The following PRKCE variants were observed in gnomAD, a reference collection of about 807,000 sequenced individuals.
The protein encoded by PRKCE is protein kinase C epsilon, also known as protein kinase C epsilon type.
In PRKCE, 16 loss-of-function variants were observed where a neutral mutation model predicts 85.4. That is an observed-to-expected ratio of 0.19 (90% confidence interval 0.13 to 0.28). The LOEUF (loss-of-function observed/expected upper bound fraction) is 0.28. Among genes scored for constraint, PRKCE ranks in the 10% least tolerant of loss-of-function variants. The probability of loss-of-function intolerance (pLI) is 1.00; values close to 1 mark genes in which losing one functional copy is unlikely to be tolerated. For missense variants in PRKCE, 573 were observed against 975.2 expected (o/e 0.59, Z 5.49); for synonymous variants, 388 against 371.5 (o/e 1.04, Z -0.51).
intron 1 of PRKCE, among the ~76,000 whole-genome samples, chr2:45,737,603 A>C (rs1268563004): frequency 6.6e-6 from 1 of 151,660 alleles, no homozygotes; most frequent in Admixed American, 6.6e-5. Flanking sequence ...TGATGTGTAG[A>C]TGTTCCCCAA....
At chr2:45,937,781 C>T (rs1360979719) in intron 2 of PRKCE, among the ~76,000 whole-genome samples, 2 of 152,108 alleles carry the variant, frequency 1.3e-5, no homozygotes, top group Non-Finnish European at 2.9e-5. Context: ...CTGCCATTAT[C>T]GAACGCCTAC....
chr2:46,144,642 A>C (rs1340752893), intron 11 of PRKCE, among the ~76,000 whole-genome samples: 3 of 152,206 alleles, frequency 2.0e-5, no homozygotes, highest in African/African-American at 7.2e-5. Context: ...AGTGTTCTAT[A>C]AAGTAGTGCC....
At chr2:45,918,272 G>A (rs1006532581) in intron 2 of PRKCE, among the ~76,000 whole-genome samples, 3 of 152,200 alleles carry the variant, frequency 2.0e-5, no homozygotes, top group Non-Finnish European at 4.4e-5. Flanking sequence ...GCTGGCTGTG[G>A]AAGGGGCAGG....
intron 2 of PRKCE, among the ~76,000 whole-genome samples, chr2:45,931,185 T>C (rs141137043): frequency 6.6e-6 from 1 of 152,384 alleles, no homozygotes; most frequent in East Asian, 1.9e-4. Flanking sequence ...GTCCTTGCAC[T>C]CTGATAACAC....
chr2:45,755,372 G>C (rs1197302594), intron 1 of PRKCE, among the ~76,000 whole-genome samples: 1 of 152,166 alleles, frequency 6.6e-6, no homozygotes, highest in East Asian at 1.9e-4. Context: ...CTTAGGTTAA[G>C]CATATGATAC....
chr2:45,924,596 T>C lies in PRKCE; in HGVS notation c.413-51833T>C, dbSNP rs141581913. ...AACTCACCAGGAAAAATGACAGGAC[T>C]CACTTCCCTACCCCATCAGGTTTTG... On this transcript the variant is annotated intron_variant, in intron 2 of 14. Coordinates refer to ENST00000306156, the MANE Select transcript of PRKCE (RefSeq NM_005400.3). 4.2e-3 allele frequency among the ~76,000 whole-genome samples: 635 copies of C among 152,262 alleles called. 5 individuals carry two copies. The highest frequency in any genetic ancestry group is 0.015 in the African/African-American group (613 of 41,544).
intron 1 of PRKCE, among the ~76,000 whole-genome samples, chr2:45,700,171 G>C (rs1423093365): frequency 6.7e-6 from 1 of 149,848 alleles, no homozygotes; most frequent in African/African-American, 2.4e-5. Context: ...CTGAGGCCCT[G>C]CCGGGAGCCA....
intron 2 of PRKCE, among the ~76,000 whole-genome samples, chr2:45,948,428 G>A (rs369055875): frequency 6.6e-6 from 1 of 152,106 alleles, no homozygotes; most frequent in Non-Finnish European, 1.5e-5. Flanking sequence ...TCGCTTGAGG[G>A]CAGGAGTTCA....
At chr2:46,045,026 CAGGTGAGTTAAAGAGCATTTTTTA>C (rs754659035) in intron 10 of PRKCE, among the ~76,000 whole-genome samples, 11 of 152,174 alleles carry the variant, frequency 7.2e-5, no homozygotes, top group Non-Finnish European at 1.3e-4. Context: ...CTATATTCTA[CAGGTGAGTTAAAGAGCATTTTTTA>C]AGCTCCGGGT....
chr2:45,689,145 A>C (rs1327642925), intron 1 of PRKCE, among the ~76,000 whole-genome samples: 2 of 152,240 alleles, frequency 1.3e-5, no homozygotes, highest in African/African-American at 4.8e-5. Context: ...CTTTACAAGA[A>C]GGGAGGGACT....
rs1470788623 is a variant in PRKCE, at chr2:45,697,377, T to G, written c.348+44929T>G. Among the ~76,000 whole-genome samples the G allele has an allele frequency of 6.8e-6, 1 of 147,524 alleles. No individual in the cohort carries two copies. The highest frequency in any genetic ancestry group is 1.5e-5 in the Non-Finnish European group (1 of 65,366). ...CCCTCTCTGCCTCTTAATGGCGCTC[T>G]GACCTTCTATTGTTTTTGGCCAAAA... On this transcript the variant is annotated intron_variant, in intron 1 of 14. Coordinates refer to ENST00000306156, the MANE Select transcript of PRKCE (RefSeq NM_005400.3). The surrounding 1 kb of genome is among the most constrained non-coding windows in gnomAD (Gnocchi z 4.2).
intron 10 of PRKCE, among the ~76,000 whole-genome samples, chr2:46,046,550 C>T (rs1377184801): frequency 6.6e-6 from 1 of 152,302 alleles, no homozygotes; most frequent in African/African-American, 2.4e-5. Context: ...TCGATGTACA[C>T]GTCACATTGA....
intron 10 of PRKCE, among the ~76,000 whole-genome samples, chr2:46,052,532 G>A (rs557683817): frequency 1.3e-5 from 2 of 152,334 alleles, no homozygotes; most frequent in South Asian, 2.1e-4. Context: ...TTCCATGTTT[G>A]TGGAGAAGAC....
At chr2:45,673,320 G>C (rs1396378291) in intron 1 of PRKCE, among the ~76,000 whole-genome samples, 1 of 152,200 alleles carries the variant, frequency 6.6e-6, no homozygotes, top group East Asian at 1.9e-4. Context: ...ATAATCAAGT[G>C]AATTTGGAAA....
intron 2 of PRKCE, among the ~76,000 whole-genome samples, chr2:45,952,055 A>G (rs112020515): frequency 1.6e-4 from 24 of 151,944 alleles, no homozygotes; most frequent in African/African-American, 5.8e-4. Flanking sequence ...CTGGTCTTCA[A>G]CTCCTGGCGT....
chr2:45,831,090 C>T (rs6721872), intron 1 of PRKCE, among the ~76,000 whole-genome samples: 3,033 of 152,066 alleles, frequency 0.02, 107 homozygotes, highest in African/African-American at 0.068. Context: ...GTACACCCTC[C>T]GAGAAAAGAA....
rs35088567 is a variant in PRKCE at position 46,001,252 on chromosome 2, C to CATATATATATATAT, written c.824-145_824-132dup. On this transcript the variant is annotated intron_variant, in intron 6 of 14. Transcript: ENST00000306156. This position sits in a 1 kb window ranked among gnomAD's most constrained non-coding sequence, Gnocchi z 4.4. ...GATTTTGGTTTTGTATGATGGAAGA[C>CATATATATATATAT]ATATATATATATATATATATTTCTG... 37 of 366,628 alleles carry CATATATATATATAT rather than the reference C, an allele frequency of 1.0e-4. No individual in the cohort carries two copies. Among genetic ancestry groups the CATATATATATATAT allele is most frequent in the African/African-American group, 6.9e-4 (30 of 43,364 alleles). 22.7% of individuals were successfully genotyped at this position (366,628 alleles called of 1,614,324 possible). A position where few individuals can be genotyped will look rare whatever the true frequency, so the allele number is the denominator to read the frequency against.
chr2:45,871,162 A>G (rs1430136540), intron 2 of PRKCE, among the ~76,000 whole-genome samples: 1 of 152,204 alleles, frequency 6.6e-6, no homozygotes, highest in Non-Finnish European at 1.5e-5. Context: ...ACATCTGTTA[A>G]CCACAGAGAT....
chr2:45,659,711 C>G (rs1675547072), intron 1 of PRKCE, among the ~76,000 whole-genome samples: 1 of 152,126 alleles, frequency 6.6e-6, no homozygotes, highest in Admixed American at 6.6e-5. Context: ...TTTAGAATGC[C>G]CTTTTCCCAG....
Sources: gnomAD v4.1 joint callset for allele counts (sites outside exome capture counted in the v4.1 genomes callset) on GRCh38, gnomAD v4.1.1 for gene constraint, Gnocchi (gnomAD v3.1) non-coding constraint, MANE v1.5 for transcripts, NCBI Gene and HGNC (gene_info 2026-07-23, HGNC 2026-07-21) for gene names.